The following ELAPOR2 variants were observed in gnomAD, a reference collection of about 807,000 sequenced individuals.
ELAPOR2 encodes endosome/lysosome-associated apoptosis and autophagy regulator family member 2.
In ELAPOR2, 89 loss-of-function variants were observed where a neutral mutation model predicts 120.7. The ratio of observed to expected loss-of-function variants is 0.74; its 90% confidence interval spans 0.62 to 0.88. The LOEUF is 0.88. ELAPOR2 is among the 40% of genes least tolerant of loss of function. The pLI is 0.00. For missense variants in ELAPOR2, 1,134 were observed against 1,251.6 expected (o/e 0.91, Z 1.42); for synonymous variants, 444 against 444.9 (o/e 1.00, Z 0.03).
At chr7:86,956,361 T>C (rs1439704817) in intron 2 of ELAPOR2, among the ~76,000 whole-genome samples, 2 of 152,156 alleles carry the variant, frequency 1.3e-5, no homozygotes, top group East Asian at 3.8e-4. Flanking sequence ...TAGCTAGCAT[T>C]TCCTAACTCA....
At chr7:86,951,442 TGATG>T (rs1791241580) in intron 2 of ELAPOR2, among the ~76,000 whole-genome samples, 1 of 152,242 alleles carries the variant, frequency 6.6e-6, no homozygotes, top group Non-Finnish European at 1.5e-5. Flanking sequence ...CTAAATACAA[TGATG>T]CCATTTTGGA....
chr7:87,013,456 A>T (rs1378834621), intron 1 of ELAPOR2, among the ~76,000 whole-genome samples: 1 of 152,206 alleles, frequency 6.6e-6, no homozygotes, highest in Non-Finnish European at 1.5e-5. Flanking sequence ...TAAAATGCCC[A>T]GGGTTTTCTT....
chr7:86,901,782 G>A (rs1290601348), intron 18 of ELAPOR2, among the ~76,000 whole-genome samples: 1 of 152,182 alleles, frequency 6.6e-6, no homozygotes, highest in Non-Finnish European at 1.5e-5. Flanking sequence ...ACTGGCATTA[G>A]TGCTGTCTGC....
At chr7:87,001,513 G>A (rs537233718) in intron 1 of ELAPOR2, among the ~76,000 whole-genome samples, 1 of 152,142 alleles carries the variant, frequency 6.6e-6, no homozygotes, top group Admixed American at 6.5e-5. Context: ...GCATAGTGAG[G>A]GAGTCAGCCA....
At chr7:86,905,969 T>G (rs1788992437) in intron 18 of ELAPOR2, among the ~76,000 whole-genome samples, 1 of 152,156 alleles carries the variant, frequency 6.6e-6, no homozygotes, top group Non-Finnish European at 1.5e-5. Flanking sequence ...CTTATTACAA[T>G]TAAAGCATCA....
At position 86,919,217 on chromosome 7, in the gene ELAPOR2, T is replaced by C; in HGVS notation, c.1490+3A>G. 1.2e-6 allele frequency: 2 copies of C among 1,602,042 alleles called. No homozygotes were observed. Among genetic ancestry groups the C allele is most frequent in the Non-Finnish European group, 1.7e-6 (2 of 1,170,050 alleles). ...AGAAAAGAATTAGAATTGTTTTCCT[T>C]ACTTAAATCCTGGGATATGCAAGTT... On this transcript the variant is annotated splice_donor_region_variant and intron_variant, in intron 11 of 21. Coordinates refer to ENST00000450689, the MANE Select transcript of ELAPOR2 (RefSeq NM_001142749.3).
intron 18 of ELAPOR2, among the ~76,000 whole-genome samples, chr7:86,904,643 A>C (rs947370522): frequency 6.6e-6 from 1 of 152,182 alleles, no homozygotes; most frequent in African/African-American, 2.4e-5. Context: ...CCAGCTGCAG[A>C]TGAGAAGGCA....
At chr7:86,984,976 G>A (rs1792661937) in intron 1 of ELAPOR2, among the ~76,000 whole-genome samples, 1 of 151,930 alleles carries the variant, frequency 6.6e-6, no homozygotes. Flanking sequence ...GAATCAAATA[G>A]AGGCAATAAA....
intron 15 of ELAPOR2, among the ~76,000 whole-genome samples, chr7:86,910,368 C>T (rs894447519): frequency 1.3e-5 from 2 of 152,092 alleles, no homozygotes; most frequent in Non-Finnish European, 2.9e-5. Context: ...CAGAAAACTG[C>T]TGATGAAAGC....
chr7:86,892,291 T>C (rs1045575725), intron 20 of ELAPOR2, among the ~76,000 whole-genome samples: 4 of 152,070 alleles, frequency 2.6e-5, no homozygotes, highest in African/African-American at 9.7e-5. Flanking sequence ...GTCTTTATCA[T>C]CTCTCTATAT....
At chr7:86,980,438 T>G (rs1792427712) in intron 1 of ELAPOR2, among the ~76,000 whole-genome samples, 1 of 152,208 alleles carries the variant, frequency 6.6e-6, no homozygotes, top group African/African-American at 2.4e-5. Flanking sequence ...CTATCTCAGC[T>G]GGATCCCCAC....
chr7:86,988,250 G>C (rs1298192207), intron 1 of ELAPOR2, among the ~76,000 whole-genome samples: 4 of 152,130 alleles, frequency 2.6e-5, no homozygotes, highest in Non-Finnish European at 5.9e-5. Context: ...TAATGTAAAT[G>C]ATGGGTTGAT....
intron 1 of ELAPOR2, among the ~76,000 whole-genome samples, chr7:87,025,284 C>T (rs1794207605): frequency 6.6e-6 from 1 of 152,048 alleles, no homozygotes; most frequent in Non-Finnish European, 1.5e-5. Context: ...ACATTCTCTG[C>T]CCAGTATGAC....
intron 18 of ELAPOR2, among the ~76,000 whole-genome samples, chr7:86,906,025 G>T (rs1788995919): frequency 6.6e-6 from 1 of 152,142 alleles, no homozygotes; most frequent in Non-Finnish European, 1.5e-5. Flanking sequence ...CTAAAGGACA[G>T]ACCTAATCTT....
Position 87,040,466 on chromosome 7 carries a change from G to A in ELAPOR2, c.189+18859C>T, listed in dbSNP as rs545040910. On this transcript the variant is annotated intron_variant, in intron 1 of 21. Transcript: ENST00000450689. ...CTCCTCAAGTGGGTCCCTGACCCCCGAGCAACCTAACTGGGAGGCACCCCC... is the reference window on the plus strand; with the variant it reads ...CTCCTCAAGTGGGTCCCTGACCCCCAAGCAACCTAACTGGGAGGCACCCCC... Among the ~76,000 whole-genome samples the A allele has an allele frequency of 1.8e-4, 27 of 152,326 alleles. No individual in the cohort carries two copies. The East Asian group carries it at 4.6e-3, about 26-fold the overall frequency.
At chr7:86,943,446 A>G (rs1790881571) in intron 4 of ELAPOR2, among the ~76,000 whole-genome samples, 1 of 152,058 alleles carries the variant, frequency 6.6e-6, no homozygotes, top group African/African-American at 2.4e-5. Flanking sequence ...TCCATTAACC[A>G]TTAGTATGAT....
intron 1 of ELAPOR2, among the ~76,000 whole-genome samples, chr7:86,992,963 C>T (rs955393118): frequency 2.0e-5 from 3 of 152,024 alleles, no homozygotes; most frequent in East Asian, 1.9e-4. Context: ...TCTTGCCGGG[C>T]GTGGTGGATC....
chr7:86,923,558 T>C (rs1460022699), intron 10 of ELAPOR2, among the ~76,000 whole-genome samples: 1 of 152,082 alleles, frequency 6.6e-6, no homozygotes, highest in Non-Finnish European at 1.5e-5. Flanking sequence ...TAAATAACTC[T>C]AAAATTAATA....
At chr7:86,981,380 A>G (rs1438118641) in intron 1 of ELAPOR2, among the ~76,000 whole-genome samples, 1 of 152,052 alleles carries the variant, frequency 6.6e-6, no homozygotes, top group Non-Finnish European at 1.5e-5. Flanking sequence ...TGTCATCTAC[A>G]CTTCAACTAA....
Sources: allele counts gnomAD v4.1 joint callset (sites outside exome capture counted in the v4.1 genomes callset), GRCh38; gene constraint gnomAD v4.1.1; transcripts MANE v1.5; gene names NCBI Gene and HGNC (gene_info 2026-07-23, HGNC 2026-07-21).